Variants in RBM38 observed in about 807,000 individuals in gnomAD.
RBM38 encodes the protein RNA binding motif protein 38, also known as RNA-binding protein 38.
A neutral mutation model predicts 23.5 loss-of-function variants in RBM38; 11 were observed. That is an observed-to-expected ratio of 0.47 (90% CI 0.29 to 0.77). The LOEUF is 0.77. Ranked by LOEUF, RBM38 falls within the 30% of genes least tolerant of loss-of-function variation. The pLI, the probability that RBM38 is intolerant of heterozygous loss-of-function variation, is 0.08. For missense variants in RBM38, 330 were observed against 351.9 expected (o/e 0.94, Z 0.50); for synonymous variants, 165 against 166.1 (o/e 0.99, Z 0.05).
chr20:57,400,875 T>G (rs6025533), intron 3 of RBM38, among the ~76,000 whole-genome samples: 18,326 of 152,092 alleles, frequency 0.12, 3,526 homozygotes, highest in African/African-American at 0.41. Context: ...GCCCTCTCCT[T>G]TGAGGTTACA....
intron 3 of RBM38, chr20:57,400,055 C>G (rs1346293778): frequency 2.2e-6 from 1 of 451,328 alleles, no homozygotes; most frequent in Non-Finnish European, 4.5e-6. Context: ...CCGCCCACCA[C>G]GGGGTTCTCA....
chr20:57,404,807 G>A (rs940200829), intron 3 of RBM38, among the ~76,000 whole-genome samples: 2 of 152,250 alleles, frequency 1.3e-5, no homozygotes, highest in South Asian at 2.1e-4. Context: ...GTTGGGCCTC[G>A]CCAGGTTAAG....
chr20:57,406,000 C>G (rs889341360), intron 3 of RBM38, among the ~76,000 whole-genome samples: 3 of 152,226 alleles, frequency 2.0e-5, no homozygotes, highest in Admixed American at 2.0e-4. Context: ...GAGGGGGGCC[C>G]CTGCCTACAG....
intron 3 of RBM38, among the ~76,000 whole-genome samples, chr20:57,397,991 C>T (rs763047944): frequency 7.2e-5 from 11 of 152,158 alleles, no homozygotes; most frequent in African/African-American, 1.2e-4. Context: ...TGTGTAACTA[C>T]ACATGACATG....
intron 3 of RBM38, chr20:57,400,118 G>A: frequency 2.5e-6 from 1 of 404,046 alleles, no homozygotes; most frequent in Non-Finnish European, 4.9e-6. Context: ...GTTGGACTCT[G>A]CAGCATCCTT....
chr20:57,393,029 G>A (rs1165021382), intron 2 of RBM38: 3 of 658,202 alleles, frequency 4.6e-6, no homozygotes, highest in Non-Finnish European at 7.7e-6. Context: ...TCGCAGGAGG[G>A]AGGAAGTGGC....
chr20:57,407,730 T>G lies in RBM38; in HGVS notation c.604T>G (p.Phe202Val). Residue 202 changes from phenylalanine (F) to valine (V), a missense_variant, in exon 4 of 4, where the codon TTC becomes GTC. Coordinates refer to ENST00000356208, the MANE Select transcript of RBM38 (RefSeq NM_017495.6). The surrounding 1 kb of genome is among the most constrained non-coding windows in gnomAD (Gnocchi z 4.0). ...YAASPATAAS[F>V]VGYSYPAAVP... is the part of the protein sequence containing the mutation. ...CGCCTCGCCTGCCACGGCTGCCAGCTTCGTGGGCTACAGCTACCCTGCCGC... is the reference window on the plus strand; with the variant it reads ...CGCCTCGCCTGCCACGGCTGCCAGCGTCGTGGGCTACAGCTACCCTGCCGC... 6.2e-7 allele frequency: 1 copy of G among 1,611,766 alleles called. No individual in the cohort carries two copies. The highest frequency in any genetic ancestry group is 8.5e-7 in the Non-Finnish European group (1 of 1,179,628).
intron 1 of RBM38, 76 bp downstream of exon 1, chr20:57,391,894 G>T (rs914979381): frequency 9.0e-7 from 1 of 1,116,232 alleles, no homozygotes; most frequent in African/African-American, 1.7e-5. Flanking sequence ...CCACTCCGGG[G>T]CACACGCCCA....
chr20:57,399,998 T>C (rs1380983905), intron 3 of RBM38: 5 of 456,144 alleles, frequency 1.1e-5, no homozygotes, highest in South Asian at 7.7e-5. Flanking sequence ...AGTTCTGCTT[T>C]GAGTGTGGGC....
chr20:57,395,144 C>T (rs188296734), intron 3 of RBM38, among the ~76,000 whole-genome samples: 1 of 152,350 alleles, frequency 6.6e-6, no homozygotes, highest in African/African-American at 2.4e-5. Flanking sequence ...TCATAGCAGG[C>T]CTCTGAGGAT....
At position 57,391,758 on chromosome 20, in the gene RBM38, C is replaced by T; in HGVS notation, c.177C>T (p.Asp59=). ...GGAAGTACTTCGAGGGCTTCGGCGA[C>T]ATCGAGGAGGCCGTGGTCATCACCG... is the stretch of plus-strand genomic sequence containing the variant. ...SLRKYFEGFG[D]IEEAVVITDR... is the part of the protein sequence containing the mutation. Residue 59 remains aspartate (D), a synonymous_variant, in exon 1 of 4, where the codon GAC becomes GAT. Transcript: ENST00000356208. 1 of 1,574,246 alleles carries T rather than the reference C, an allele frequency of 6.4e-7. No individual in the cohort carries two copies.
chr20:57,395,636 C>T (rs987776160), intron 3 of RBM38, among the ~76,000 whole-genome samples: 2 of 152,130 alleles, frequency 1.3e-5, no homozygotes, highest in African/African-American at 4.8e-5. Flanking sequence ...ATCGCGCCGC[C>T]TCCTGCCCCT....
Position 57,400,491 on chromosome 20 carries a change from G to A in RBM38, c.417-7052G>A, listed in dbSNP as rs915295209. ...AATGGTGGCCCGTTTCAGTGGCTCCGTGATTTGGGGGTTTGGTGTTGCCCA... is the reference window on the plus strand; with the variant it reads ...AATGGTGGCCCGTTTCAGTGGCTCCATGATTTGGGGGTTTGGTGTTGCCCA... On this transcript the variant is annotated intron_variant, in intron 3 of 3. Transcript: ENST00000356208. Among the ~76,000 whole-genome samples, 6 of 152,258 alleles carry A rather than the reference G, an allele frequency of 3.9e-5. No individual in the cohort carries two copies. In the East Asian group the frequency reaches 1.2e-3, roughly 29 times the overall value.
At chr20:57,400,320 C>A (rs1352550925) in intron 3 of RBM38, among the ~76,000 whole-genome samples, 1 of 152,098 alleles carries the variant, frequency 6.6e-6, no homozygotes, top group African/African-American at 2.4e-5. Context: ...GCTGCCTGGG[C>A]CACGTGTGAA....
At chr20:57,403,942 C>T (rs10485809) in intron 3 of RBM38, among the ~76,000 whole-genome samples, 6,477 of 152,308 alleles carry the variant, frequency 0.043, 451 homozygotes, top group African/African-American at 0.15. Flanking sequence ...GAAAATGCTT[C>T]GTAAGTTATC....
intron 3 of RBM38, among the ~76,000 whole-genome samples, chr20:57,399,693 T>C (rs2067308245): frequency 6.6e-6 from 1 of 152,166 alleles, no homozygotes; most frequent in African/African-American, 2.4e-5. Context: ...CCCACAGAAC[T>C]TGAATGTCCC....
At chr20:57,394,617 GC>G in intron 3 of RBM38, among the ~76,000 whole-genome samples, 1 of 152,038 alleles carries the variant, frequency 6.6e-6, no homozygotes, top group African/African-American at 2.4e-5. Context: ...GGAGCAGGCG[GC>G]CCTGTCCGTC....
At position 57,393,292 on chromosome 20, in the gene RBM38, G is replaced by C. The variant is rs1142754; in HGVS notation, c.375G>C (p.Gly125=). ...CTCTCGTTTTAGGCTTTGCCATTGGGGTGCAGCAGCTGCACCCCACCTTGA... is the reference window on the plus strand; with the variant it reads ...CTCTCGTTTTAGGCTTTGCCATTGGCGTGCAGCAGCTGCACCCCACCTTGA... ...PRSLQTGFAI[G]VQQLHPTLIQ... The change falls in exon 3 of 4, where the codon GGG becomes GGC. Residue 125 remains glycine, a synonymous_variant. Coordinates refer to ENST00000356208, the MANE Select transcript of RBM38 (RefSeq NM_017495.6). 1 of 1,613,668 alleles carries C rather than the reference G, an allele frequency of 6.2e-7. No individual in the cohort carries two copies. Among genetic ancestry groups the C allele is most frequent in the Non-Finnish European group, 8.5e-7 (1 of 1,179,846 alleles).
intron 3 of RBM38, among the ~76,000 whole-genome samples, chr20:57,395,091 G>A (rs1007109351): frequency 2.0e-5 from 3 of 152,250 alleles, no homozygotes; most frequent in African/African-American, 7.2e-5. Flanking sequence ...GCACAGGCAT[G>A]TGGGCTGGGT....
Sources: gnomAD v4.1 joint callset for allele counts (sites outside exome capture counted in the v4.1 genomes callset) on GRCh38, gnomAD v4.1.1 for gene constraint, Gnocchi (gnomAD v3.1) non-coding constraint, MANE v1.5 for transcripts, NCBI Gene and HGNC (gene_info 2026-07-23, HGNC 2026-07-21) for gene names.